The following BCL2 variants were observed in gnomAD, a reference collection of about 807,000 sequenced individuals.
BCL2 encodes the protein BCL2 apoptosis regulator, also known as apoptosis regulator Bcl-2.
BCL2 carries 1 observed loss-of-function variant against 14.2 expected under a neutral mutation model. The observed-to-expected ratio is 0.07, with a 90% CI of 0.02 to 0.33. The LOEUF is 0.33. Among genes scored for constraint, BCL2 ranks in the 10% least tolerant of loss-of-function variants. BCL2 has a pLI of 0.99. For missense variants in BCL2, 247 were observed against 305.9 expected, an observed-to-expected ratio of 0.81 and a Z score of 1.44; for synonymous variants, 151 against 137.2, an observed-to-expected ratio of 1.10 and a Z score of -0.70.
intron 2 of BCL2, among the ~76,000 whole-genome samples, chr18:63,205,297 T>C (rs543871791): frequency 2.6e-5 from 4 of 152,218 alleles, no homozygotes; most frequent in South Asian, 2.1e-4. Context: ...CCCTGCTAGA[T>C]TGTAAGTGCT....
chr18:63,285,218 C>T (rs530261541), intron 2 of BCL2, among the ~76,000 whole-genome samples: 2 of 152,344 alleles, frequency 1.3e-5, no homozygotes, highest in African/African-American at 4.8e-5. Context: ...ACTTCTCGCC[C>T]ATCCAGCAGT....
chr18:63,284,432 G>A (rs1408991290), intron 2 of BCL2, among the ~76,000 whole-genome samples: 1 of 152,196 alleles, frequency 6.6e-6, no homozygotes, highest in Admixed American at 6.5e-5. Flanking sequence ...GCTAAGCACA[G>A]TCCCCAAACA....
At chr18:63,139,366 A>G (rs1199733558) in intron 2 of BCL2, among the ~76,000 whole-genome samples, 1 of 152,260 alleles carries the variant, frequency 6.6e-6, no homozygotes, top group Non-Finnish European at 1.5e-5. Flanking sequence ...TAAAGGCCGT[A>G]TCTATATGAC....
chr18:63,252,426 T>A (rs1054107066), intron 2 of BCL2, among the ~76,000 whole-genome samples: 1 of 152,218 alleles, frequency 6.6e-6, no homozygotes, highest in Non-Finnish European at 1.5e-5. Flanking sequence ...ATTGATACGG[T>A]TTGGCTGTGT....
chr18:63,183,174 G>A (rs531425382), intron 2 of BCL2, among the ~76,000 whole-genome samples: 1 of 152,234 alleles, frequency 6.6e-6, no homozygotes, highest in Non-Finnish European at 1.5e-5. Flanking sequence ...GCTGGCAGAT[G>A]AGCGTGCAGA....
At chr18:63,169,311 C>T (rs12458944) in intron 2 of BCL2, among the ~76,000 whole-genome samples, 5,793 of 32,684 alleles carry the variant, frequency 0.18, 255 homozygotes, top group Non-Finnish European at 0.2. Context: ...TTTCTTTCTT[C>T]CTTCCTTCCT....
At chr18:63,185,370 G>A (rs922890143) in intron 2 of BCL2, among the ~76,000 whole-genome samples, 1 of 152,226 alleles carries the variant, frequency 6.6e-6, no homozygotes, top group African/African-American at 2.4e-5. Flanking sequence ...TCAAGGCTAG[G>A]TGAGTGGGGT....
intron 2 of BCL2, among the ~76,000 whole-genome samples, chr18:63,258,038 C>T (rs1215760636): frequency 6.6e-6 from 1 of 152,134 alleles, no homozygotes; most frequent in Non-Finnish European, 1.5e-5. Context: ...AAGAGGAGGT[C>T]GTTAGGGTGG....
At chr18:63,228,874 G>A (rs775046722) in intron 2 of BCL2, among the ~76,000 whole-genome samples, 1 of 152,164 alleles carries the variant, frequency 6.6e-6, no homozygotes, top group South Asian at 2.1e-4. Context: ...AGGCTCAACT[G>A]GTTTTTTGTA....
chr18:63,182,153 T>C (rs1915492437), intron 2 of BCL2, among the ~76,000 whole-genome samples: 2 of 152,218 alleles, frequency 1.3e-5, no homozygotes, highest in African/African-American at 4.8e-5. Context: ...CACTGGGTCT[T>C]ATCCTTAGGG....
intron 2 of BCL2, among the ~76,000 whole-genome samples, chr18:63,299,298 G>A (rs555069086): frequency 8.5e-5 from 13 of 152,274 alleles, no homozygotes; most frequent in South Asian, 4.1e-4. Flanking sequence ...CTTGCCTTGC[G>A]CTAAGCACTG....
intron 2 of BCL2, among the ~76,000 whole-genome samples, chr18:63,148,287 T>C (rs1266505618): frequency 2.0e-5 from 3 of 152,178 alleles, no homozygotes; most frequent in Non-Finnish European, 2.9e-5. Flanking sequence ...TTTAGCCAGA[T>C]GATGTATACT....
intron 2 of BCL2, among the ~76,000 whole-genome samples, chr18:63,194,361 T>G (rs1599236304): frequency 6.8e-6 from 1 of 147,794 alleles, no homozygotes; most frequent in African/African-American, 2.5e-5. Flanking sequence ...TGAGATGGAG[T>G]CTCACTCTAT....
intron 2 of BCL2, among the ~76,000 whole-genome samples, chr18:63,136,797 C>G (rs904352786): frequency 1.3e-5 from 2 of 152,206 alleles, no homozygotes; most frequent in Admixed American, 6.5e-5. Context: ...AATACCCCAG[C>G]ACTCCTAGCT....
chr18:63,318,961 T>C lies in BCL2; in HGVS notation c.-286-9A>G. 7.7e-7 allele frequency: 1 copy of C among 1,290,614 alleles called. No individual in the cohort carries two copies. The highest frequency in any genetic ancestry group is 9.9e-7 in the Non-Finnish European group (1 of 1,010,486). 79.9% of individuals were successfully genotyped at this position (1,290,614 alleles called of 1,614,324 possible). A position where few individuals can be genotyped will look rare whatever the true frequency, so the allele number is the denominator to read the frequency against. On this transcript the variant is annotated splice_polypyrimidine_tract_variant and intron_variant, in intron 1 of 2. Transcript: ENST00000333681. This position sits in a 1 kb window ranked among gnomAD's most constrained non-coding sequence, Gnocchi z 7.4. ...CTACTTCCTCTGTGATGCTGAAAGG[T>C]TAAAGAAAAAACAAACTAATAAGTA...
intron 2 of BCL2, among the ~76,000 whole-genome samples, chr18:63,216,090 G>A (rs1910193156): frequency 6.6e-6 from 1 of 152,050 alleles, no homozygotes; most frequent in Admixed American, 6.6e-5. Context: ...TAACAATAGG[G>A]CTGTGGTTTT....
At position 63,207,328 on chromosome 18, in the gene BCL2, A is replaced by G. The variant is rs1319064334; in HGVS notation, c.586-78569T>C. 1.5e-4 allele frequency among the ~76,000 whole-genome samples: 23 copies of G among 152,270 alleles called. 1 individual carries two copies. Among genetic ancestry groups the G allele is most frequent in the Admixed American group, 1.5e-3 (23 of 15,290 alleles). Reference sequence around the variant, plus strand: ...AAAACTGCACCTGGCTGTGGCCGTCAGTAAGTGCTATATAAATGCTTCATA... The same window carrying G: ...AAAACTGCACCTGGCTGTGGCCGTCGGTAAGTGCTATATAAATGCTTCATA... On this transcript the variant is annotated intron_variant, in intron 2 of 2. Coordinates refer to ENST00000333681, the MANE Select transcript of BCL2 (RefSeq NM_000633.3).
chr18:63,174,954 GCCGTTTTCA>G (rs1418895844), intron 2 of BCL2, among the ~76,000 whole-genome samples: 20 of 151,888 alleles, frequency 1.3e-4, no homozygotes, highest in African/African-American at 4.8e-4. Flanking sequence ...ACACATGTCT[GCCGTTTTCA>G]CCTAAGATGC....
chr18:63,170,162 A>G (rs905621649), intron 2 of BCL2, among the ~76,000 whole-genome samples: 3 of 152,158 alleles, frequency 2.0e-5, no homozygotes, highest in African/African-American at 7.2e-5. Flanking sequence ...GGCTAATGAT[A>G]GTGCATACCT....
Sources: allele counts gnomAD v4.1 joint callset (sites outside exome capture counted in the v4.1 genomes callset), GRCh38; gene constraint gnomAD v4.1.1; non-coding constraint Gnocchi (gnomAD v3.1); transcripts MANE v1.5; gene names NCBI Gene and HGNC (gene_info 2026-07-23, HGNC 2026-07-21).